Variants in CSMD3 observed in about 807,000 individuals in gnomAD.
The protein encoded by CSMD3 is CUB and Sushi multiple domains 3.
In CSMD3, 177 loss-of-function variants were observed where a neutral mutation model predicts 435.2. The observed-to-expected ratio is 0.41, with a 90% CI of 0.36 to 0.46. The LOEUF is 0.46. CSMD3 is among the 20% of genes least tolerant of loss of function. CSMD3 has a pLI of 0.34. For missense variants in CSMD3, 4,265 were observed against 4,504.6 expected (o/e 0.95, Z 1.52); for synonymous variants, 1,656 against 1,520.5 (o/e 1.09, Z -2.07).
At chr8:113,306,131 T>A (rs2093818940) in intron 2 of CSMD3, among the ~76,000 whole-genome samples, 1 of 152,122 alleles carries the variant, frequency 6.6e-6, no homozygotes, top group African/African-American at 2.4e-5. Flanking sequence ...CTTTTCTTAT[T>A]TATTGAGAAA....
intron 1 of CSMD3, among the ~76,000 whole-genome samples, chr8:113,413,830 C>T (rs2094570053): frequency 6.6e-6 from 1 of 152,124 alleles, no homozygotes. Context: ...TTCACTCTTT[C>T]TTCCAAAAGT....
In CSMD3 at chr8:113,010,336, T is replaced by C. The variant is rs192358436; in HGVS notation, c.1030+8731A>G. Among the ~76,000 whole-genome samples the C allele has an allele frequency of 1.6e-3, 247 of 151,922 alleles. 2 individuals carry two copies. The highest frequency in any genetic ancestry group is 5.6e-3 in the African/African-American group (234 of 41,550). On this transcript the variant is annotated intron_variant, in intron 6 of 70. Coordinates refer to ENST00000297405, the MANE Select transcript of CSMD3 (RefSeq NM_198123.2). ...GGGAAGGAGGAAGTGATATAAGCCC[T>C]GAAAGTTTGAACATTTATCCTAAGA...
At position 113,284,199 on chromosome 8, in the gene CSMD3, C is replaced by T. The variant is rs1353939240; in HGVS notation, c.402-5495G>A. Reference sequence around the variant, plus strand: ...ACCACTAAAGAACTTACTCGTGTAACCAAATACCACCTGTACCCCAATACT... The same window carrying T: ...ACCACTAAAGAACTTACTCGTGTAATCAAATACCACCTGTACCCCAATACT... On this transcript the variant is annotated intron_variant, in intron 2 of 70. Coordinates refer to ENST00000297405, the MANE Select transcript of CSMD3 (RefSeq NM_198123.2). Among the ~76,000 whole-genome samples the T allele has an allele frequency of 3.9e-5, 6 of 151,920 alleles. No homozygotes were observed. In the East Asian group the frequency reaches 5.8e-4, roughly 15 times the overall value.
rs893632954 is a variant in CSMD3 at position 113,148,383 on chromosome 8, G to A, written c.709+25339C>T. On this transcript the variant is annotated intron_variant, in intron 4 of 70. Transcript: ENST00000297405. ...CTTCAGTTGCCTTCCACAACCCTGC[G>A]GATCAGTTATATGCTCTCGTAGAAT... Among the ~76,000 whole-genome samples, 6 of 151,656 alleles carry A rather than the reference G, an allele frequency of 4.0e-5. No individual in the cohort carries two copies. The East Asian group carries it at 5.9e-4, about 15-fold the overall frequency.
At chr8:112,341,932 A>T (rs1444199727) in intron 41 of CSMD3, among the ~76,000 whole-genome samples, 1 of 152,134 alleles carries the variant, frequency 6.6e-6, no homozygotes, top group Non-Finnish European at 1.5e-5. Context: ...TCATTTCATT[A>T]TAATGTCACT....
intron 9 of CSMD3, among the ~76,000 whole-genome samples, chr8:112,947,194 C>T (rs2130794529): frequency 6.6e-6 from 1 of 151,580 alleles, no homozygotes; most frequent in African/African-American, 2.4e-5. Flanking sequence ...TATTAAAAAG[C>T]ATTATTTGAT....
At chr8:112,572,023 G>A (rs1829566389) in intron 24 of CSMD3, among the ~76,000 whole-genome samples, 1 of 150,562 alleles carries the variant, frequency 6.6e-6, no homozygotes, top group Non-Finnish European at 1.5e-5. Flanking sequence ...GAAAGAGAAA[G>A]AGGACAGCAT....
In CSMD3 at chr8:113,283,671, A is replaced by T. The variant is rs190454763; in HGVS notation, c.402-4967T>A. Among the ~76,000 whole-genome samples the T allele has an allele frequency of 5.1e-3, 773 of 152,220 alleles. 10 individuals carry two copies. Among genetic ancestry groups the T allele is most frequent in the African/African-American group, 0.018 (746 of 41,548 alleles). On this transcript the variant is annotated intron_variant, in intron 2 of 70. Coordinates refer to ENST00000297405, the MANE Select transcript of CSMD3 (RefSeq NM_198123.2). ...ATAACTACTATGAAAAACAGTGTGG[A>T]GATTCCTTAAAGAACTGAAAGTAGA... is the stretch of plus-strand genomic sequence containing the variant.
At chr8:112,308,335 T>G (rs1821638464) in intron 50 of CSMD3, among the ~76,000 whole-genome samples, 1 of 152,190 alleles carries the variant, frequency 6.6e-6, no homozygotes, top group South Asian at 2.1e-4. Flanking sequence ...TAGTATAGAT[T>G]GAATCTAGGT....
chr8:112,981,974 C>CA (rs2085068772), intron 6 of CSMD3, among the ~76,000 whole-genome samples: 2 of 151,486 alleles, frequency 1.3e-5, no homozygotes. Flanking sequence ...TTTCTTAGTA[C>CA]AAAAAATATA....
At chr8:112,402,703 T>A (rs1425697982) in intron 35 of CSMD3, among the ~76,000 whole-genome samples, 1 of 152,148 alleles carries the variant, frequency 6.6e-6, no homozygotes, top group Non-Finnish European at 1.5e-5. Context: ...TAATGATTCT[T>A]AGTAATTACA....
intron 32 of CSMD3, among the ~76,000 whole-genome samples, chr8:112,430,113 T>A (rs1813501062): frequency 1.3e-5 from 2 of 152,076 alleles, no homozygotes; most frequent in South Asian, 4.1e-4. Context: ...GCAAACCTGT[T>A]TTTGAATCAA....
intron 5 of CSMD3, among the ~76,000 whole-genome samples, chr8:113,063,434 A>G (rs1005318604): frequency 6.6e-6 from 1 of 151,996 alleles, no homozygotes; most frequent in Non-Finnish European, 1.5e-5. Flanking sequence ...AGCATGCACA[A>G]TCTTTAATAT....
At chr8:112,633,032 A>G (rs181004551) in intron 22 of CSMD3, among the ~76,000 whole-genome samples, 240 of 152,154 alleles carry the variant, frequency 1.6e-3, no homozygotes, top group African/African-American at 5.3e-3. Context: ...TCTATTTCAG[A>G]TAGTAAAACT....
chr8:113,436,046 C>T (rs1457212057), intron 1 of CSMD3, among the ~76,000 whole-genome samples: 2 of 152,152 alleles, frequency 1.3e-5, no homozygotes, highest in African/African-American at 4.8e-5. Flanking sequence ...CTTTACACTT[C>T]ATGGCATTTC....
chr8:113,131,375 T>TG (rs893792923), intron 4 of CSMD3, among the ~76,000 whole-genome samples: 4 of 151,962 alleles, frequency 2.6e-5, no homozygotes, highest in African/African-American at 9.7e-5. Flanking sequence ...CCTCAGGACA[T>TG]GGTGTCATGT....
intron 36 of CSMD3, among the ~76,000 whole-genome samples, chr8:112,384,488 T>C (rs978976386): frequency 6.6e-6 from 1 of 152,212 alleles, no homozygotes; most frequent in African/African-American, 2.4e-5. Flanking sequence ...CTACGGATGC[T>C]ACCTATTTTG....
At chr8:113,408,512 C>T (rs2094543127) in intron 1 of CSMD3, among the ~76,000 whole-genome samples, 1 of 151,670 alleles carries the variant, frequency 6.6e-6, no homozygotes, top group Admixed American at 6.6e-5. Context: ...AAGTGGAGCT[C>T]GATTCTATAG....
chr8:112,577,118 A>G (rs549755509), intron 23 of CSMD3, among the ~76,000 whole-genome samples: 3 of 152,226 alleles, frequency 2.0e-5, no homozygotes, highest in Admixed American at 6.5e-5. Flanking sequence ...AAGCATGCAT[A>G]AAATTGCTTA....
Sources: gnomAD v4.1 joint callset for allele counts (sites outside exome capture counted in the v4.1 genomes callset) on GRCh38, gnomAD v4.1.1 for gene constraint, MANE v1.5 for transcripts, NCBI Gene and HGNC (gene_info 2026-07-23, HGNC 2026-07-21) for gene names.